PIEZO2: variants seen among roughly 807,000 people sequenced by gnomAD.
PIEZO2 encodes the protein piezo-type mechanosensitive ion channel component 2.
PIEZO2 carries 172 observed loss-of-function variants against 337.3 expected under a neutral mutation model. The ratio of observed to expected loss-of-function variants is 0.51; its 90% CI spans 0.45 to 0.58. PIEZO2 has a LOEUF of 0.58. Ranked by LOEUF, PIEZO2 falls within the 20% of genes least tolerant of loss-of-function variation. The pLI, the probability that PIEZO2 is intolerant of heterozygous loss-of-function variation, is 0.00. For synonymous variants in PIEZO2, 1,251 were observed against 1,228.5 expected, an observed-to-expected ratio of 1.02 and a Z score of -0.38; for missense variants, 3,028 against 3,391.3, an observed-to-expected ratio of 0.89 and a Z score of 2.66.
rs901049706 is a variant in PIEZO2 at position 10,705,647 on chromosome 18, C to T, written c.5688G>A (p.Ala1896=). The part of the protein sequence containing the change: ...AEQEEEAGST[A]PEPREAKEYE... ...ACTCCTTGGCCTCCCTGGGCTCAGG[C>T]GCCGTGCTCCCTGCCTCCTCCTCCT... is the stretch of plus-strand genomic sequence containing the variant. Residue 1896 remains alanine, a synonymous_variant, in exon 41 of 56, where the codon GCG becomes GCA. Transcript: ENST00000674853. 54 of 1,537,010 alleles carry T rather than the reference C, an allele frequency of 3.5e-5. No individual in the cohort carries two copies. The African/African-American group carries it at 5.2e-4, about 15-fold the overall frequency.
chr18:11,113,817 A>T (rs139036004), intron 1 of PIEZO2, among the ~76,000 whole-genome samples: 1 of 152,338 alleles, frequency 6.6e-6, no homozygotes, highest in African/African-American at 2.4e-5. Flanking sequence ...AGAAAGAAAG[A>T]TCAGAAGTGG....
At position 11,032,010 on chromosome 18, in the gene PIEZO2, T is replaced by C. The variant is rs896008326; in HGVS notation, c.160+34117A>G. On this transcript the variant is annotated intron_variant, in intron 2 of 55. Transcript: ENST00000674853. The surrounding 1 kb of genome is among the most constrained non-coding windows in gnomAD (Gnocchi z 4.9). ...ACACACATACGCATACACACAGATATTTACTGCTGATTCCAATGACGATGG... is the reference window on the plus strand; with the variant it reads ...ACACACATACGCATACACACAGATACTTACTGCTGATTCCAATGACGATGG... 6.6e-6 allele frequency among the ~76,000 whole-genome samples: 1 copy of C among 152,152 alleles called. No individual in the cohort carries two copies. Among genetic ancestry groups the C allele is most frequent in the African/African-American group, 2.4e-5 (1 of 41,438 alleles).
rs2040864464 is a variant in PIEZO2, at chr18:11,148,453, T to C, written c.64+72A>G. Reference sequence around the variant, plus strand: ...CCCAGAGCACCAGAGCCCTTCACTTTGTTAAGAAGTCCCCCACCCAGGCGC... The same window carrying C: ...CCCAGAGCACCAGAGCCCTTCACTTCGTTAAGAAGTCCCCCACCCAGGCGC... On this transcript the variant is annotated intron_variant, in intron 1 of 55. Transcript: ENST00000674853. The surrounding 1 kb of genome is among the most constrained non-coding windows in gnomAD (Gnocchi z 5.2). 4 of 1,484,642 alleles carry C rather than the reference T, an allele frequency of 2.7e-6. No homozygotes were observed. Among genetic ancestry groups the C allele is most frequent in the Non-Finnish European group, 3.6e-6 (4 of 1,099,856 alleles). The allele number at this position is 1,484,642 out of a possible 1,614,324, so 92.0% of individuals were successfully genotyped here. A position where few individuals can be genotyped will look rare whatever the true frequency, so the allele number is the denominator to read the frequency against.
chr18:10,860,217 G>A (rs1314931677), intron 5 of PIEZO2, among the ~76,000 whole-genome samples: 1 of 152,160 alleles, frequency 6.6e-6, no homozygotes, highest in Non-Finnish European at 1.5e-5. Flanking sequence ...AACGTCAGTA[G>A]CCTGTTGAGG....
intron 3 of PIEZO2, among the ~76,000 whole-genome samples, chr18:10,930,593 A>T (rs1166862935): frequency 6.6e-6 from 1 of 152,216 alleles, no homozygotes; most frequent in Non-Finnish European, 1.5e-5. Context: ...ATAGGTCATG[A>T]TCCTTAGCCT....
chr18:10,799,815 T>C (rs1568071944), intron 11 of PIEZO2, among the ~76,000 whole-genome samples: 1 of 151,266 alleles, frequency 6.6e-6, no homozygotes, highest in Non-Finnish European at 1.5e-5. Context: ...TCTACTAAAA[T>C]ACAAAAAATT....
In PIEZO2 at chr18:10,707,363, C is replaced by T. The variant is rs773719031; in HGVS notation, c.5588+912G>A. Among the ~76,000 whole-genome samples the T allele has an allele frequency of 1.3e-5, 2 of 152,038 alleles. No homozygotes were observed. The highest frequency in any genetic ancestry group is 2.4e-5 in the African/African-American group (1 of 41,388). On this transcript the variant is annotated intron_variant, in intron 40 of 55. Coordinates refer to ENST00000674853, the MANE Select transcript of PIEZO2 (RefSeq NM_001378183.1). This position sits in a 1 kb window ranked among gnomAD's most constrained non-coding sequence, Gnocchi z 4.2. ...TGGACTGGCATGGCAGGCACATGCCCGCCAGAGGACTTTGTCAAATGGCCA... is the reference window on the plus strand; with the variant it reads ...TGGACTGGCATGGCAGGCACATGCCTGCCAGAGGACTTTGTCAAATGGCCA...
In PIEZO2 at chr18:10,853,773, G is replaced by A. The variant is rs3898148; in HGVS notation, c.917+1580C>T. On this transcript the variant is annotated intron_variant, in intron 7 of 55. Coordinates refer to ENST00000674853, the MANE Select transcript of PIEZO2 (RefSeq NM_001378183.1). The surrounding 1 kb of genome is among the most constrained non-coding windows in gnomAD (Gnocchi z 4.2). ...GTTGTTAAGCCATTTTTAAGTTGCA[G>A]ACATCAAGGCACAGCTTATCTAAAT... Among the ~76,000 whole-genome samples the A allele has an allele frequency of 0.068, 10,355 of 152,190 alleles. 619 individuals carry two copies. The highest frequency in any genetic ancestry group is 0.16 in the African/African-American group (6,568 of 41,492).
At chr18:10,752,207 C>A (rs1272490652) in intron 28 of PIEZO2, among the ~76,000 whole-genome samples, 1 of 152,186 alleles carries the variant, frequency 6.6e-6, no homozygotes, top group East Asian at 1.9e-4. Flanking sequence ...CTCATTTTAT[C>A]TCACACTTCT....
intron 42 of PIEZO2, among the ~76,000 whole-genome samples, chr18:10,703,860 G>A (rs1378495874): frequency 1.3e-5 from 2 of 152,146 alleles, no homozygotes; most frequent in Non-Finnish European, 2.9e-5. Flanking sequence ...ACAATTTTGT[G>A]TTGCGACGTA....
chr18:10,800,747 T>C (rs2039784270), intron 10 of PIEZO2, among the ~76,000 whole-genome samples: 2 of 152,224 alleles, frequency 1.3e-5, no homozygotes, highest in African/African-American at 4.8e-5. Flanking sequence ...GTCCTCAGTA[T>C]GAAGAGCAAA....
chr18:10,896,092 A>G (rs2042895118), intron 4 of PIEZO2, among the ~76,000 whole-genome samples: 1 of 151,706 alleles, frequency 6.6e-6, no homozygotes, highest in Non-Finnish European at 1.5e-5. Context: ...AAAAAAAAAG[A>G]AAGAAAGAAA....
chr18:11,103,891 T>A (rs2039487704), intron 1 of PIEZO2, among the ~76,000 whole-genome samples: 1 of 151,958 alleles, frequency 6.6e-6, no homozygotes, highest in Admixed American at 6.6e-5. Context: ...AGTGGAGCAA[T>A]CTCGGCTCAC....
rs745323571 is a variant in PIEZO2, at chr18:11,033,129, G to A, written c.160+32998C>T. Among the ~76,000 whole-genome samples, 1 of 152,190 alleles carries A rather than the reference G, an allele frequency of 6.6e-6. No homozygotes were observed. The highest frequency in any genetic ancestry group is 2.4e-5 in the African/African-American group (1 of 41,442). ...AGACAGCACCTTTTGAGCATTTACC[G>A]TGAGCCCAACACATTACGTCATTGA... On this transcript the variant is annotated intron_variant, in intron 2 of 55. Transcript: ENST00000674853. This position sits in a 1 kb window ranked among gnomAD's most constrained non-coding sequence, Gnocchi z 4.2.
intron 11 of PIEZO2, among the ~76,000 whole-genome samples, chr18:10,799,420 T>G (rs1304995439): frequency 1.3e-5 from 2 of 152,228 alleles, no homozygotes; most frequent in African/African-American, 4.8e-5. Context: ...ACCTTCACAG[T>G]CTTCAAGGGA....
chr18:10,688,826 T>A (rs1474025489), intron 49 of PIEZO2, among the ~76,000 whole-genome samples: 2 of 152,152 alleles, frequency 1.3e-5, no homozygotes, highest in Non-Finnish European at 2.9e-5. Flanking sequence ...GTTCCTTCGA[T>A]AGAGAGGCTC....
intron 4 of PIEZO2, among the ~76,000 whole-genome samples, chr18:10,881,895 A>G (rs569913150): frequency 1.6e-4 from 24 of 151,776 alleles, no homozygotes; most frequent in African/African-American, 5.6e-4. Context: ...TTTTTTTGCC[A>G]TCTTCAATCT....
In PIEZO2 at chr18:10,766,406, G is replaced by A. The variant is rs879323876; in HGVS notation, c.2947-3308C>T. ...ACACCTGATGAATTAGAATTTTAGG[G>A]AAATAGATGCTGGTCCACGTACATA... On this transcript the variant is annotated intron_variant, in intron 21 of 55. Coordinates refer to ENST00000674853, the MANE Select transcript of PIEZO2 (RefSeq NM_001378183.1). The surrounding 1 kb of genome is among the most constrained non-coding windows in gnomAD (Gnocchi z 6.1). Among the ~76,000 whole-genome samples the A allele has an allele frequency of 5.3e-5, 8 of 152,264 alleles. 1 individual carries two copies. In the South Asian group the frequency reaches 6.2e-4, roughly 12 times the overall value.
At chr18:10,992,242 C>T (rs371691342) in intron 2 of PIEZO2, among the ~76,000 whole-genome samples, 4 of 152,074 alleles carry the variant, frequency 2.6e-5, no homozygotes, top group Non-Finnish European at 5.9e-5. Flanking sequence ...TACTTAGATC[C>T]CATTTGTCAA....
Sources: gnomAD v4.1 joint callset for allele counts (sites outside exome capture counted in the v4.1 genomes callset) on GRCh38, gnomAD v4.1.1 for gene constraint, Gnocchi (gnomAD v3.1) non-coding constraint, MANE v1.5 for transcripts, NCBI Gene and HGNC (gene_info 2026-07-23, HGNC 2026-07-21) for gene names.